Variants in GEMIN2 observed in about 807,000 individuals in gnomAD.
The protein encoded by GEMIN2 is gem nuclear organelle associated protein 2.
GEMIN2 carries 37 observed loss-of-function variants against 45.8 expected under a neutral mutation model. The observed-to-expected ratio is 0.81, with a 90% confidence interval of 0.62 to 1.06. GEMIN2 has a LOEUF of 1.06. GEMIN2 is among the 50% of genes least tolerant of loss of function. The pLI is 0.00. For missense variants in GEMIN2, 335 were observed against 321.8 expected (o/e 1.04, Z -0.31); for synonymous variants, 101 against 111.5 (o/e 0.91, Z 0.60).
chr14:39,128,209 A>T, intron 6 of GEMIN2, 71 bp from the exon 7 acceptor site: 1 of 855,894 alleles, frequency 1.2e-6, no homozygotes, highest in Non-Finnish European at 1.9e-6. Flanking sequence ...AAATAAACTT[A>T]ATGAAACTCA....
In GEMIN2 at chr14:39,115,601, C is replaced by T. The variant is rs190673013; in HGVS notation, c.222+688C>T. On this transcript the variant is annotated intron_variant, in intron 2 of 9. Transcript: ENST00000308317. ...CCTCCCGAGTAGCTGGGATTACAGG[C>T]GCCCACCACCACACCCGGCTAATTT... is the stretch of plus-strand genomic sequence containing the variant. Among the ~76,000 whole-genome samples the T allele has an allele frequency of 7.0e-3, 1,060 of 151,796 alleles. 15 individuals are homozygous for T. Among genetic ancestry groups the T allele is most frequent in the African/African-American group, 0.025 (1,025 of 41,384 alleles).
intron 6 of GEMIN2, among the ~76,000 whole-genome samples, chr14:39,126,377 A>C (rs1027860025): frequency 2.0e-5 from 3 of 151,876 alleles, no homozygotes; most frequent in Non-Finnish European, 4.4e-5. Flanking sequence ...ACAAGGTCTC[A>C]CTGTGTTGTC....
chr14:39,123,631 T>C (rs1488506519), intron 5 of GEMIN2, among the ~76,000 whole-genome samples: 1 of 146,502 alleles, frequency 6.8e-6, no homozygotes, highest in Non-Finnish European at 1.5e-5. Context: ...TCTTTCTATA[T>C]AACCAATTGA....
chr14:39,119,934 G>A (rs2052554815), intron 4 of GEMIN2, among the ~76,000 whole-genome samples: 1 of 152,208 alleles, frequency 6.6e-6, no homozygotes, highest in Admixed American at 6.5e-5. Flanking sequence ...AAGCCTGTGT[G>A]CCTTTGACTA....
At chr14:39,122,140 A>C in intron 4 of GEMIN2, 1 of 272,652 alleles carries the variant, frequency 3.7e-6, no homozygotes, top group Non-Finnish European at 6.9e-6. Context: ...GTGAATCCAA[A>C]TTTCCTCTTA....
At chr14:39,116,469 T>C (rs1018523326) in intron 2 of GEMIN2, among the ~76,000 whole-genome samples, 102 of 149,076 alleles carry the variant, frequency 6.8e-4, no homozygotes, top group African/African-American at 2.4e-3. Flanking sequence ...CAGGCTGGAG[T>C]GCAGTGGCGC....
chr14:39,133,471 TC>T (rs2052746744), intron 8 of GEMIN2, among the ~76,000 whole-genome samples, 189 bp from the exon 9 acceptor site: 2 of 151,060 alleles, frequency 1.3e-5, no homozygotes, highest in Non-Finnish European at 2.9e-5. Flanking sequence ...TAAAAGATAG[TC>T]TTAGATGTTT....
chr14:39,129,742 ATGTGTGTGTG>A (rs891242038), intron 7 of GEMIN2, among the ~76,000 whole-genome samples: 1 of 150,544 alleles, frequency 6.6e-6, no homozygotes, highest in Non-Finnish European at 1.5e-5. Flanking sequence ...ATATTTGTAT[ATGTGTGTGTG>A]TGTGTATATA....
rs60205535 is a variant in GEMIN2, at chr14:39,122,409, G to GTTTT, written c.373-11_373-8dup. 122 of 1,028,916 alleles carry GTTTT rather than the reference G, an allele frequency of 1.2e-4. 1 individual carries two copies. Among genetic ancestry groups the GTTTT allele is most frequent in the Admixed American group, 4.2e-4 (19 of 44,888 alleles). The allele number at this position is 1,028,916 out of a possible 1,614,324, so 63.7% of individuals were successfully genotyped here. ...AAAATTAATACACAGGAATAAATCA[G>GTTTT]TTTTTTTTTTTTTCTTTTAGCCAAA... On this transcript the variant is annotated intron_variant, in intron 4 of 9. Coordinates refer to ENST00000308317, the MANE Select transcript of GEMIN2 (RefSeq NM_003616.3).
Position 39,131,999 on chromosome 14 carries a change from T to G in GEMIN2, c.642T>G (p.Pro214=), listed in dbSNP as rs756450609. The G allele has an allele frequency of 2.5e-6, 4 of 1,606,962 alleles. No homozygotes were observed. The highest frequency in any genetic ancestry group is 8.5e-7 in the Non-Finnish European group (1 of 1,173,632). ...LYALLACLEK[P]LLPEAHSLIR... Reference sequence around the variant, plus strand: ...CTTTATTGGCTTGTCTTGAAAAGCCTTTGTTACCTGAGGCTCATTCACTGA... The same window carrying G: ...CTTTATTGGCTTGTCTTGAAAAGCCGTTGTTACCTGAGGCTCATTCACTGA... Residue 214 remains proline, a synonymous_variant, in exon 8 of 10, where the codon CCT becomes CCG. Transcript: ENST00000308317.
chr14:39,121,879 A>AT (rs34187098), intron 4 of GEMIN2: 3,133 of 155,320 alleles, frequency 0.02, 76 homozygotes, highest in African/African-American at 0.061. Context: ...CATCCGGCTA[A>AT]TTTTTTTTTT....
chr14:39,117,872 T>G, intron 2 of GEMIN2, 127 bp from the exon 3 acceptor site: 1 of 463,014 alleles, frequency 2.2e-6, no homozygotes, highest in Non-Finnish European at 3.9e-6. Flanking sequence ...GCAAAAATAT[T>G]TTATTTTCTT....
At chr14:39,116,989 A>G (rs1470471673) in intron 2 of GEMIN2, among the ~76,000 whole-genome samples, 2 of 152,156 alleles carry the variant, frequency 1.3e-5, no homozygotes, top group African/African-American at 4.8e-5. Context: ...AAACAGAAGT[A>G]TGGCTGGGCT....
intron 4 of GEMIN2, among the ~76,000 whole-genome samples, chr14:39,121,539 G>A (rs535001192): frequency 5.4e-4 from 82 of 152,204 alleles, no homozygotes; most frequent in African/African-American, 1.8e-3. Context: ...CTCAAAAAAT[G>A]TAATAATAAG....
chr14:39,121,547 A>G (rs926835303), intron 4 of GEMIN2, among the ~76,000 whole-genome samples: 6 of 152,264 alleles, frequency 3.9e-5, no homozygotes, highest in African/African-American at 1.4e-4. Flanking sequence ...ATGTAATAAT[A>G]AGGAAAAACA....
At chr14:39,117,388 C>G (rs2052522630) in intron 2 of GEMIN2, among the ~76,000 whole-genome samples, 1 of 152,000 alleles carries the variant, frequency 6.6e-6, no homozygotes, top group South Asian at 2.1e-4. Context: ...ATCATAATTT[C>G]ATGCTTTATC....
chr14:39,133,847 G>T (rs963785018), intron 9 of GEMIN2, 128 bp downstream of exon 9: 2 of 529,340 alleles, frequency 3.8e-6, no homozygotes, highest in Admixed American at 3.1e-5. Context: ...TAGTTAGGGT[G>T]CAGTGGCGCA....
Position 39,122,514 on chromosome 14 carries a change from AAT to A in GEMIN2, c.458_459del (p.Asn153ArgfsTer17). On this transcript the variant is annotated frameshift_variant, in exon 5 of 10. Coordinates refer to ENST00000308317, the MANE Select transcript of GEMIN2 (RefSeq NM_003616.3). LOFTEE classifies it high-confidence loss of function. Reference sequence around the variant, plus strand: ...TGACGGGGCTGTTGGACCAGCCACAAATGAAAGTCCTGGAATAGATTATGTAC... The same window carrying A: ...TGACGGGGCTGTTGGACCAGCCACAAGAAAGTCCTGGAATAGATTATGTAC... ...CADGAVGPAT[N>X]ESPGIDYVQI... 2 of 1,596,052 alleles carry A rather than the reference AAT, an allele frequency of 1.3e-6. No individual in the cohort carries two copies. Among genetic ancestry groups the A allele is most frequent in the Non-Finnish European group, 1.7e-6 (2 of 1,164,660 alleles).
Position 39,128,266 on chromosome 14 carries a change from C to CT in GEMIN2, c.532-3dup, listed in dbSNP as rs546041076. On this transcript the variant is annotated splice_polypyrimidine_tract_variant and intron_variant, in intron 6 of 9. Coordinates refer to ENST00000308317, the MANE Select transcript of GEMIN2 (RefSeq NM_003616.3). ...TTAATACAACTCTTCTCCACCCCCT[C>CT]TTTTTTTTTTTAGGCAACAGTAACT... 0.078 allele frequency: 77,890 copies of CT among 1,001,782 alleles called. No homozygotes were observed. The highest frequency in any genetic ancestry group is 0.091 in the South Asian group (4,801 of 52,626). The allele number at this position is 1,001,782 out of a possible 1,614,324, so 62.1% of individuals were successfully genotyped here.
Sources: gnomAD v4.1 joint callset for allele counts (sites outside exome capture counted in the v4.1 genomes callset) on GRCh38, gnomAD v4.1.1 for gene constraint, MANE v1.5 for transcripts, NCBI Gene and HGNC (gene_info 2026-07-23, HGNC 2026-07-21) for gene names.